The following ADAMTSL1 variants were observed in gnomAD, a reference collection of about 807,000 sequenced individuals.
ADAMTSL1 encodes ADAMTS like 1, also known as ADAMTS-like protein 1.
A neutral mutation model predicts 201.8 loss-of-function variants in ADAMTSL1; 126 were observed. That is an observed-to-expected ratio of 0.62 (90% CI 0.54 to 0.72). ADAMTSL1 has a LOEUF of 0.72. Ranked by LOEUF, ADAMTSL1 falls within the 30% of genes least tolerant of loss-of-function variation. The probability of loss-of-function intolerance (pLI) is 0.00; values close to 1 mark genes in which losing one functional copy is unlikely to be tolerated. For synonymous variants in ADAMTSL1, 1,121 were observed against 903.4 expected (o/e 1.24, Z -4.32); for missense variants, 2,679 against 2,277.8 (o/e 1.18, Z -3.59).
At chr9:18,141,255 G>A (rs548580880) in intron 1 of ADAMTSL1, among the ~76,000 whole-genome samples, 1 of 152,108 alleles carries the variant, frequency 6.6e-6, no homozygotes, top group Non-Finnish European at 1.5e-5. Context: ...GAGAGTGGAA[G>A]AGCAGTTGAA....
At chr9:18,830,255 T>C (rs1824891548) in intron 23 of ADAMTSL1, among the ~76,000 whole-genome samples, 1 of 152,110 alleles carries the variant, frequency 6.6e-6, no homozygotes, top group African/African-American at 2.4e-5. Context: ...ATCCTCTCAA[T>C]CAGATTGACT....
intron 9 of ADAMTSL1, among the ~76,000 whole-genome samples, chr9:18,665,668 T>G (rs1829386760): frequency 6.6e-6 from 1 of 151,406 alleles, no homozygotes. Context: ...TCCCACCATC[T>G]TCTTTCTTTA....
Position 18,807,481 on chromosome 9 carries a change from A to C in ADAMTSL1, c.3806-9628A>C, listed in dbSNP as rs890677550. ...AACACGGTGAAACCCCGTCTCTACT[A>C]AAAAATACAAAAAATTAGCCGGGCG... is the stretch of plus-strand genomic sequence containing the variant. On this transcript the variant is annotated intron_variant, in intron 20 of 28. Coordinates refer to ENST00000380548, the MANE Select transcript of ADAMTSL1 (RefSeq NM_001040272.6). Among the ~76,000 whole-genome samples, 105 of 152,038 alleles carry C rather than the reference A, an allele frequency of 6.9e-4. 1 individual carries two copies. The highest frequency in any genetic ancestry group is 2.5e-3 in the African/African-American group (104 of 41,494).
At chr9:18,580,480 C>T (rs2132407588) in intron 4 of ADAMTSL1, among the ~76,000 whole-genome samples, 1 of 152,216 alleles carries the variant, frequency 6.6e-6, no homozygotes, top group Middle Eastern at 3.4e-3. Flanking sequence ...AATCTAATTC[C>T]ACATGGAAGC....
At chr9:18,472,816 T>C (rs1821270466), upstream of ADAMTSL1, among the ~76,000 whole-genome samples, 1 of 152,246 alleles carries the variant, frequency 6.6e-6, no homozygotes, top group African/African-American at 2.4e-5. Context: ...AGGGAAAACG[T>C]CCTGATGACA....
intron 19 of ADAMTSL1, chr9:18,793,382 A>C (rs563466714): frequency 6.7e-6 from 1 of 149,558 alleles, no homozygotes; most frequent in East Asian, 1.9e-4. Context: ...GCTGAAATGC[A>C]AATGTCATAC....
In ADAMTSL1 at chr9:18,517,508, G is replaced by A. The variant is rs548547920; in HGVS notation, c.191+12552G>A. ...ATGTATACATGTGCCATGCTGGTGC[G>A]CTGCACCCACGAACTCGTCATCTAG... On this transcript the variant is annotated intron_variant, in intron 2 of 28. Transcript: ENST00000380548. 7.3e-5 allele frequency among the ~76,000 whole-genome samples: 11 copies of A among 151,152 alleles called. No homozygotes were observed. In the South Asian group the frequency reaches 1.0e-3, roughly 14 times the overall value.
At chr9:17,986,332 A>G (rs1031694343) in intron 1 of ADAMTSL1, among the ~76,000 whole-genome samples, 1 of 152,002 alleles carries the variant, frequency 6.6e-6, no homozygotes, top group Non-Finnish European at 1.5e-5. Context: ...CTGATTATAC[A>G]TGTAAAGGCT....
At chr9:18,378,821 T>G (rs1837422461) in intron 2 of ADAMTSL1, among the ~76,000 whole-genome samples, 1 of 150,116 alleles carries the variant, frequency 6.7e-6, no homozygotes, top group African/African-American at 2.5e-5. Flanking sequence ...TTGTTGTTGT[T>G]TGTTTGTTTG....
intron 2 of ADAMTSL1, among the ~76,000 whole-genome samples, chr9:18,455,667 A>G (rs1820574065): frequency 6.6e-6 from 1 of 152,158 alleles, no homozygotes; most frequent in Non-Finnish European, 1.5e-5. Flanking sequence ...ATCTAAACAG[A>G]TGAGAATATA....
chr9:18,769,065 A>G (rs1268353427), intron 16 of ADAMTSL1, among the ~76,000 whole-genome samples: 3 of 152,170 alleles, frequency 2.0e-5, no homozygotes. Context: ...ACTTTTTAAA[A>G]GCTCCCCAGG....
chr9:17,972,982 A>T (rs572841135), intron 1 of ADAMTSL1, among the ~76,000 whole-genome samples: 1 of 149,098 alleles, frequency 6.7e-6, no homozygotes, highest in African/African-American at 2.5e-5. Flanking sequence ...GTGTGTATTC[A>T]TATCCTTCAC....
intron 13 of ADAMTSL1, chr9:18,685,039 C>G: frequency 8.6e-6 from 10 of 1,159,904 alleles, no homozygotes; most frequent in Non-Finnish European, 1.1e-5. Flanking sequence ...TGCTTACCCT[C>G]TTCTCCAAAA....
chr9:18,802,898 G>A (rs1822888699), intron 20 of ADAMTSL1, among the ~76,000 whole-genome samples: 1 of 152,082 alleles, frequency 6.6e-6, no homozygotes, highest in Non-Finnish European at 1.5e-5. Context: ...ATTACAGCCA[G>A]CCTCATGAGC....
chr9:18,633,941 A>G (rs117225131), intron 5 of ADAMTSL1, among the ~76,000 whole-genome samples: 2,362 of 152,214 alleles, frequency 0.016, 29 homozygotes, highest in South Asian at 0.022. Context: ...CCTGTCCTTT[A>G]AGAGATTTGG....
intron 2 of ADAMTSL1, among the ~76,000 whole-genome samples, chr9:18,260,073 C>T (rs925639159): frequency 2.0e-5 from 3 of 152,158 alleles, no homozygotes; most frequent in Non-Finnish European, 4.4e-5. Context: ...AGGCATCAGC[C>T]AGCTCAGGGC....
intron 2 of ADAMTSL1, among the ~76,000 whole-genome samples, chr9:18,435,288 A>T (rs1431305026): frequency 6.6e-6 from 1 of 152,336 alleles, no homozygotes; most frequent in African/African-American, 2.4e-5. Context: ...TAGTCTCTTC[A>T]TAAGTGAGAA....
chr9:18,279,907 T>A (rs1315764486), intron 2 of ADAMTSL1, among the ~76,000 whole-genome samples: 1 of 151,910 alleles, frequency 6.6e-6, no homozygotes, highest in Non-Finnish European at 1.5e-5. Flanking sequence ...GGGGTGGGCC[T>A]GGAGGTGGAT....
chr9:18,413,448 G>A (rs1208785203), intron 2 of ADAMTSL1, among the ~76,000 whole-genome samples: 1 of 152,018 alleles, frequency 6.6e-6, no homozygotes, highest in East Asian at 1.9e-4. Flanking sequence ...AACAGGTGTG[G>A]GCCACCATGC....
Sources: gnomAD v4.1 joint callset for allele counts (sites outside exome capture counted in the v4.1 genomes callset) on GRCh38, gnomAD v4.1.1 for gene constraint, MANE v1.5 for transcripts, NCBI Gene and HGNC (gene_info 2026-07-23, HGNC 2026-07-21) for gene names.